The following DOCK1 variants were observed in gnomAD, a reference collection of about 807,000 sequenced individuals.
DOCK1 encodes dedicator of cytokinesis 1, also known as dedicator of cytokinesis protein 1.
In DOCK1, 138 loss-of-function variants were observed where a neutral mutation model predicts 262.7. That is an observed-to-expected ratio of 0.53 (90% CI 0.46 to 0.61). The LOEUF (loss-of-function observed/expected upper bound fraction) is 0.61. Among genes scored for constraint, DOCK1 ranks in the 20% least tolerant of loss-of-function variants. The pLI is 0.00. For synonymous variants in DOCK1, 866 were observed against 867.4 expected, an observed-to-expected ratio of 1.00 and a Z score of 0.03; for missense variants, 1,908 against 2,370.7, an observed-to-expected ratio of 0.80 and a Z score of 4.05.
At chr10:127,105,208 T>C (rs892367908) in intron 23 of DOCK1, among the ~76,000 whole-genome samples, 4 of 152,214 alleles carry the variant, frequency 2.6e-5, no homozygotes, top group African/African-American at 9.7e-5. Flanking sequence ...TTCCCAGCCA[T>C]GTGGAACTGT....
intron 1 of DOCK1, among the ~76,000 whole-genome samples, chr10:126,955,576 C>T (rs1430992606): frequency 1.3e-5 from 2 of 152,148 alleles, no homozygotes; most frequent in African/African-American, 4.8e-5. Context: ...TCAGTTTAAG[C>T]TGCTGGGGAA....
intron 1 of DOCK1, among the ~76,000 whole-genome samples, chr10:126,921,896 C>A (rs187500220): frequency 6.6e-6 from 1 of 152,036 alleles, no homozygotes; most frequent in African/African-American, 2.4e-5. Context: ...AGGTGATCCA[C>A]AAGGCTAGGT....
chr10:127,111,135 A>C (rs1271022902), intron 25 of DOCK1, among the ~76,000 whole-genome samples: 1 of 152,182 alleles, frequency 6.6e-6, no homozygotes, highest in East Asian at 1.9e-4. Context: ...CACGGATCCC[A>C]GACTTGGGAT....
chr10:126,985,157 T>A (rs1158490272), intron 4 of DOCK1, among the ~76,000 whole-genome samples: 2 of 151,324 alleles, frequency 1.3e-5, no homozygotes, highest in East Asian at 1.9e-4. Flanking sequence ...ATTTTTGTAT[T>A]TTTAGTAGAG....
At chr10:126,944,528 A>G (rs1047456382) in intron 1 of DOCK1, among the ~76,000 whole-genome samples, 2 of 152,122 alleles carry the variant, frequency 1.3e-5, no homozygotes, top group Non-Finnish European at 2.9e-5. Context: ...AGTGAGGAGA[A>G]GCTGAGGAGC....
intron 27 of DOCK1, among the ~76,000 whole-genome samples, chr10:127,239,059 C>T (rs1398600078): frequency 2.0e-5 from 3 of 152,204 alleles, no homozygotes; most frequent in Non-Finnish European, 4.4e-5. Context: ...CCTGCACACC[C>T]TGCTGGACAG....
At chr10:127,305,980 T>G (rs1323655224) in intron 29 of DOCK1, among the ~76,000 whole-genome samples, 1 of 151,920 alleles carries the variant, frequency 6.6e-6, no homozygotes, top group Admixed American at 6.6e-5. Flanking sequence ...TTTATATGGT[T>G]AGCTCAAGTA....
intron 23 of DOCK1, among the ~76,000 whole-genome samples, chr10:127,101,043 G>A (rs1255166851): frequency 3.3e-5 from 5 of 152,122 alleles, no homozygotes; most frequent in Non-Finnish European, 7.4e-5. Flanking sequence ...AAGGGCAGGA[G>A]GGCCTTGAGC....
chr10:127,361,306 G>T (rs2064421584), intron 32 of DOCK1, among the ~76,000 whole-genome samples: 1 of 151,898 alleles, frequency 6.6e-6, no homozygotes, highest in South Asian at 2.1e-4. Context: ...AGTAGAGACG[G>T]TGTCTCACCG....
At chr10:126,962,083 C>T (rs907335294) in intron 1 of DOCK1, among the ~76,000 whole-genome samples, 7 of 152,070 alleles carry the variant, frequency 4.6e-5, no homozygotes, top group East Asian at 1.9e-4. Context: ...CTGCAACCTC[C>T]GCCTCCCGGA....
chr10:127,044,200 G>A (rs1226386132), intron 21 of DOCK1, among the ~76,000 whole-genome samples: 1 of 152,106 alleles, frequency 6.6e-6, no homozygotes, highest in Non-Finnish European at 1.5e-5. Flanking sequence ...CAAAATACCT[G>A]TTTTTCCTCC....
chr10:127,028,611 C>G (rs955896504), intron 16 of DOCK1, among the ~76,000 whole-genome samples: 3 of 152,200 alleles, frequency 2.0e-5, no homozygotes, highest in Non-Finnish European at 4.4e-5. Flanking sequence ...GGCGAGGCCA[C>G]TTCTTTCCTT....
chr10:126,982,296 C>T (rs988092849), intron 4 of DOCK1, among the ~76,000 whole-genome samples: 1 of 152,286 alleles, frequency 6.6e-6, no homozygotes, highest in South Asian at 2.1e-4. Context: ...ACTCCAAAGC[C>T]CCCCAGCTCT....
rs11016389 is a variant in DOCK1, at chr10:127,133,413, G to C, written c.2847+5649G>C. ...TTGTGTTTCAAATGGACAGTGTCTGGGTTTTGTATAGTCATCATAAAAATG... is the reference window on the plus strand; with the variant it reads ...TTGTGTTTCAAATGGACAGTGTCTGCGTTTTGTATAGTCATCATAAAAATG... On this transcript the variant is annotated intron_variant, in intron 27 of 51. Coordinates refer to ENST00000623213, the MANE Select transcript of DOCK1 (RefSeq NM_001290223.2). 6.6e-3 allele frequency among the ~76,000 whole-genome samples: 1,004 copies of C among 152,168 alleles called. 4 individuals carry two copies. Among genetic ancestry groups the C allele is most frequent in the Admixed American group, 0.012 (180 of 15,286 alleles).
At chr10:127,252,279 G>C (rs1465045941) in intron 28 of DOCK1, among the ~76,000 whole-genome samples, 1 of 149,578 alleles carries the variant, frequency 6.7e-6, no homozygotes, top group Non-Finnish European at 1.5e-5. Context: ...GTAGATTCTG[G>C]ATATTAGCCC....
chr10:127,130,858 G>A (rs2050279632), intron 27 of DOCK1, among the ~76,000 whole-genome samples: 1 of 152,192 alleles, frequency 6.6e-6, no homozygotes, highest in Admixed American at 6.5e-5. Context: ...GGCACACGAT[G>A]CTGATGGCCG....
intron 44 of DOCK1, 77 bp from the exon 45 acceptor site, chr10:127,418,288 C>A: frequency 7.1e-7 from 1 of 1,412,028 alleles, no homozygotes; most frequent in Non-Finnish European, 9.4e-7. Flanking sequence ...TGCCCCAGAG[C>A]ACGTGGCTCC....
At chr10:127,023,109 T>G in intron 13 of DOCK1, 91 bp from the exon 14 acceptor site, 1 of 1,386,340 alleles carries the variant, frequency 7.2e-7, no homozygotes, top group Non-Finnish European at 9.9e-7. Flanking sequence ...TTTGTAATAA[T>G]CTATGAGGAT....
intron 47 of DOCK1, among the ~76,000 whole-genome samples, chr10:127,431,800 A>G (rs747549782): frequency 6.6e-6 from 1 of 152,182 alleles, no homozygotes; most frequent in Non-Finnish European, 1.5e-5. Context: ...CACAGAGACC[A>G]TATGTCCTGC....
Sources: gnomAD v4.1 joint callset for allele counts (sites outside exome capture counted in the v4.1 genomes callset) on GRCh38, gnomAD v4.1.1 for gene constraint, MANE v1.5 for transcripts, NCBI Gene and HGNC (gene_info 2026-07-23, HGNC 2026-07-21) for gene names.